Variants in ENOX1 observed in about 807,000 individuals in gnomAD.
The protein encoded by ENOX1 is ecto-NOX disulfide-thiol exchanger 1.
In ENOX1, 42 loss-of-function variants were observed where a neutral mutation model predicts 82.5. The ratio of observed to expected loss-of-function variants is 0.51; its 90% CI spans 0.40 to 0.66. The LOEUF (loss-of-function observed/expected upper bound fraction) is 0.66. Among genes scored for constraint, ENOX1 ranks in the 30% least tolerant of loss-of-function variants. The pLI is 0.00. For missense variants in ENOX1, 608 were observed against 811.6 expected (o/e 0.75, Z 3.05); for synonymous variants, 271 against 282.2 (o/e 0.96, Z 0.40).
Position 43,575,755 on chromosome 13 carries a change from C to T in ENOX1, c.-218-91603G>A, listed in dbSNP as rs552000585. On this transcript the variant is annotated intron_variant, in intron 2 of 16. Transcript: ENST00000690772. Reference sequence around the variant, plus strand: ...ATTTCCAGCTGTAGTACTCCTTGCCCAGTAAAATGCTTGGCTAGCCCTTTG... The same window carrying T: ...ATTTCCAGCTGTAGTACTCCTTGCCTAGTAAAATGCTTGGCTAGCCCTTTG... Among the ~76,000 whole-genome samples, 7 of 152,290 alleles carry T rather than the reference C, an allele frequency of 4.6e-5. No individual in the cohort carries two copies. In the South Asian group the frequency reaches 1.5e-3, roughly 32 times the overall value.
At chr13:43,729,634 T>C (rs1351426787) in intron 1 of ENOX1, among the ~76,000 whole-genome samples, 1 of 152,192 alleles carries the variant, frequency 6.6e-6, no homozygotes, top group Non-Finnish European at 1.5e-5. Flanking sequence ...CTACCATCTC[T>C]CCCCATCAAC....
chr13:43,608,011 T>C (rs958055241), intron 2 of ENOX1, among the ~76,000 whole-genome samples: 17 of 152,220 alleles, frequency 1.1e-4, no homozygotes, highest in African/African-American at 4.1e-4. Context: ...CAGGCATGCA[T>C]GTATGATGCA....
At chr13:43,758,281 G>C (rs1283104852) in intron 1 of ENOX1, among the ~76,000 whole-genome samples, 1 of 151,748 alleles carries the variant, frequency 6.6e-6, no homozygotes, top group Non-Finnish European at 1.5e-5. Flanking sequence ...TAAAAACCTG[G>C]ATTACTCCTC....
At chr13:43,616,351 G>A (rs372211711) in intron 2 of ENOX1, among the ~76,000 whole-genome samples, 18 of 148,104 alleles carry the variant, frequency 1.2e-4, no homozygotes, top group East Asian at 1.0e-3. Flanking sequence ...TACAGGTGCC[G>A]CCACCACACC....
chr13:43,401,519 G>A (rs561071115), intron 5 of ENOX1, among the ~76,000 whole-genome samples: 1 of 152,138 alleles, frequency 6.6e-6, no homozygotes, highest in Non-Finnish European at 1.5e-5. Context: ...AATGCCCCTG[G>A]AAATTTCAGG....
At chr13:43,348,162 T>C (rs865779830) in intron 8 of ENOX1, among the ~76,000 whole-genome samples, 1 of 152,214 alleles carries the variant, frequency 6.6e-6, no homozygotes, top group Non-Finnish European at 1.5e-5. Flanking sequence ...TCCCTCAAGA[T>C]TCAGCGTAAG....
intron 1 of ENOX1, among the ~76,000 whole-genome samples, chr13:43,739,855 C>G (rs2089816452): frequency 6.6e-6 from 1 of 151,992 alleles, no homozygotes; most frequent in Admixed American, 6.6e-5. Flanking sequence ...CAAGACCCAC[C>G]CCTTCTCTTC....
chr13:43,393,909 G>GATCCC (rs1410213168), intron 5 of ENOX1, among the ~76,000 whole-genome samples: 1 of 152,124 alleles, frequency 6.6e-6, no homozygotes, highest in African/African-American at 2.4e-5. Context: ...CCTTCCTGTG[G>GATCCC]TAATGAATGA....
chr13:43,354,468 C>T (rs1397900948), intron 8 of ENOX1, among the ~76,000 whole-genome samples: 1 of 146,658 alleles, frequency 6.8e-6, no homozygotes, highest in African/African-American at 2.6e-5. Context: ...CCCGCTGCCA[C>T]CTTTTTTTTT....
intron 1 of ENOX1, among the ~76,000 whole-genome samples, chr13:43,740,480 ATTTTT>A: frequency 6.7e-6 from 1 of 149,334 alleles, no homozygotes; most frequent in East Asian, 1.9e-4. Context: ...AACATTTTTT[ATTTTT>A]TTTTAACTTT....
At chr13:43,529,488 C>G (rs1003523227) in intron 2 of ENOX1, among the ~76,000 whole-genome samples, 3 of 152,058 alleles carry the variant, frequency 2.0e-5, no homozygotes, top group African/African-American at 7.2e-5. Context: ...TTGCTAAGAT[C>G]TATGCTAAGA....
At chr13:43,629,350 G>A (rs149829528) in intron 2 of ENOX1, among the ~76,000 whole-genome samples, 208 of 152,230 alleles carry the variant, frequency 1.4e-3, no homozygotes, top group African/African-American at 5.0e-3. Context: ...TTTTGTCTGT[G>A]CCCATTGGTA....
chr13:43,771,069 G>C (rs979473550), intron 1 of ENOX1, among the ~76,000 whole-genome samples: 1 of 152,038 alleles, frequency 6.6e-6, no homozygotes, highest in African/African-American at 2.4e-5. Context: ...TGCTGAAAAA[G>C]AAACACAGCC....
intron 1 of ENOX1, among the ~76,000 whole-genome samples, chr13:43,671,379 G>T (rs1040285494): frequency 6.6e-6 from 1 of 152,146 alleles, no homozygotes; most frequent in Middle Eastern, 3.2e-3. Context: ...ATGAAAAGAG[G>T]TGCTGCTTTG....
rs148677918 is a variant in ENOX1, at chr13:43,727,236, C to T, written c.-285+59416G>A. Among the ~76,000 whole-genome samples the T allele has an allele frequency of 1.7e-3, 265 of 152,264 alleles. 1 individual carries two copies. Among genetic ancestry groups the T allele is most frequent in the African/African-American group, 5.7e-3 (237 of 41,552 alleles). ...ATTCTTTTTTAAAACCATCCTGCAG[C>T]TAATTCCTTAACACATGTTAAACCA... On this transcript the variant is annotated intron_variant, in intron 1 of 16. Coordinates refer to ENST00000690772, the MANE Select transcript of ENOX1 (RefSeq NM_001347969.2).
chr13:43,313,534 T>C (rs1396170449), intron 11 of ENOX1, among the ~76,000 whole-genome samples: 1 of 152,192 alleles, frequency 6.6e-6, no homozygotes, highest in Non-Finnish European at 1.5e-5. Context: ...TTAATATTTA[T>C]TGTAGTTTTA....
chr13:43,541,037 A>G (rs1790732534), intron 2 of ENOX1, among the ~76,000 whole-genome samples: 1 of 127,058 alleles, frequency 7.9e-6, no homozygotes, highest in Admixed American at 7.3e-5. Flanking sequence ...AATAAAGTCT[A>G]ATACTTATAG....
At chr13:43,596,582 C>A (rs2081482525) in intron 2 of ENOX1, among the ~76,000 whole-genome samples, 1 of 152,110 alleles carries the variant, frequency 6.6e-6, no homozygotes, top group Non-Finnish European at 1.5e-5. Flanking sequence ...TGAAAATAAC[C>A]TAGCATTATT....
intron 2 of ENOX1, among the ~76,000 whole-genome samples, chr13:43,536,040 G>T (rs185120277): frequency 5.3e-5 from 8 of 152,228 alleles, no homozygotes; most frequent in Non-Finnish European, 8.8e-5. Flanking sequence ...GTCTTGCACC[G>T]TTCTACACAT....
Sources: allele counts gnomAD v4.1 joint callset (sites outside exome capture counted in the v4.1 genomes callset), GRCh38; gene constraint gnomAD v4.1.1; transcripts MANE v1.5; gene names NCBI Gene and HGNC (gene_info 2026-07-23, HGNC 2026-07-21).